The following NECTIN3 variants were observed in gnomAD, a reference collection of about 807,000 sequenced individuals.
NECTIN3 encodes nectin cell adhesion molecule 3, also known as nectin-3.
Under a neutral mutation model 49.4 loss-of-function variants are expected in NECTIN3, and 8 were observed. The observed-to-expected ratio is 0.16, with a 90% confidence interval of 0.10 to 0.29. NECTIN3 has a LOEUF of 0.29. Among genes scored for constraint, NECTIN3 ranks in the 10% least tolerant of loss-of-function variants. NECTIN3 has a pLI of 1.00. For synonymous variants in NECTIN3, 277 were observed against 241.1 expected (o/e 1.15, Z -1.38); for missense variants, 581 against 654.6 (o/e 0.89, Z 1.23).
chr3:111,136,622 A>G lies in NECTIN3; in HGVS notation c.*2407A>G, dbSNP rs1488882454. 4.4e-6 allele frequency: 4 copies of G among 914,470 alleles called. No individual in the cohort carries two copies. The highest frequency in any genetic ancestry group is 5.2e-6 in the Non-Finnish European group (4 of 765,788). The allele number at this position is 914,470 out of a possible 1,614,324, so 56.6% of individuals were successfully genotyped here. A position where few individuals can be genotyped will look rare whatever the true frequency, so the allele number is the denominator to read the frequency against. On this transcript the variant is annotated 3_prime_UTR_variant, in exon 6 of 6. Coordinates refer to ENST00000485303, the MANE Select transcript of NECTIN3 (RefSeq NM_015480.3). ...GACATTGTTAAATTAGTTTTTGAAT[A>G]CCAGTGATATTCATAACTACTTGAC...
upstream of NECTIN3, among the ~76,000 whole-genome samples, chr3:111,189,497 G>A (rs553615923): frequency 1.3e-5 from 2 of 152,222 alleles, no homozygotes; most frequent in South Asian, 4.1e-4. Context: ...CATGGCTTAG[G>A]AAATTCACAC....
At chr3:111,122,867 C>G (rs1468745373) in intron 4 of NECTIN3, among the ~76,000 whole-genome samples, 1 of 152,000 alleles carries the variant, frequency 6.6e-6, no homozygotes, top group African/African-American at 2.4e-5. Flanking sequence ...ATTTTGATCT[C>G]CAGATGTATC....
chr3:111,146,239 C>A (rs989157826), intron 6 of NECTIN3, among the ~76,000 whole-genome samples: 1 of 151,768 alleles, frequency 6.6e-6, no homozygotes, highest in African/African-American at 2.4e-5. Context: ...TCGAGACCAT[C>A]CCGGCTAAAA....
At chr3:111,180,667 G>C (rs1410142392) in intron 7 of NECTIN3, among the ~76,000 whole-genome samples, 2 of 152,100 alleles carry the variant, frequency 1.3e-5, no homozygotes, top group Non-Finnish European at 2.9e-5. Flanking sequence ...AATTATATGT[G>C]GTGGCCAGTT....
At chr3:111,072,731 C>G in intron 1 of NECTIN3, 1 of 725,416 alleles carries the variant, frequency 1.4e-6, no homozygotes, top group South Asian at 1.8e-5. Flanking sequence ...CCGGCTCTGC[C>G]CTGACAGCTT....
rs1402402815 is a variant in NECTIN3, at chr3:111,082,430, G to A, written c.160+10253G>A. On this transcript the variant is annotated intron_variant, in intron 1 of 5. Coordinates refer to ENST00000485303, the MANE Select transcript of NECTIN3 (RefSeq NM_015480.3). ...AGTGGAGAGAGGGAAGGGAATAGTG[G>A]ATGGGGCCAGAATTTTTTTTTAGAT... is the stretch of plus-strand genomic sequence containing the variant. Among the ~76,000 whole-genome samples, 3 of 152,048 alleles carry A rather than the reference G, an allele frequency of 2.0e-5. 1 individual carries two copies. Among genetic ancestry groups the A allele is most frequent in the Admixed American group, 2.0e-4 (3 of 15,254 alleles).
intron 1 of NECTIN3, among the ~76,000 whole-genome samples, chr3:111,082,853 C>T (rs1329994816): frequency 1.3e-5 from 2 of 152,064 alleles, no homozygotes; most frequent in East Asian, 3.8e-4. Context: ...CTAGACAGTC[C>T]CGTCTGGGGG....
At chr3:111,193,820 A>G (rs1422004902) in intron 1 of NECTIN3, among the ~76,000 whole-genome samples, 1 of 152,212 alleles carries the variant, frequency 6.6e-6, no homozygotes, top group Non-Finnish European at 1.5e-5. Flanking sequence ...CTAATTATTT[A>G]GCTGGGATTT....
At chr3:111,096,219 G>A (rs994391408) in intron 1 of NECTIN3, among the ~76,000 whole-genome samples, 1 of 152,202 alleles carries the variant, frequency 6.6e-6, no homozygotes, top group Admixed American at 6.5e-5. Flanking sequence ...TTTCTGCAAA[G>A]AGTCTGGTGG....
intron 4 of NECTIN3, among the ~76,000 whole-genome samples, chr3:111,123,860 G>A (rs994894423): frequency 6.6e-6 from 1 of 152,230 alleles, no homozygotes; most frequent in Non-Finnish European, 1.5e-5. Flanking sequence ...CCTGTGAATT[G>A]TAAGATGTTT....
At chr3:111,120,504 C>A (rs1016552716) in intron 3 of NECTIN3, among the ~76,000 whole-genome samples, 2 of 152,090 alleles carry the variant, frequency 1.3e-5, no homozygotes, top group African/African-American at 4.8e-5. Flanking sequence ...ACTGTTCTTT[C>A]AGCAACATTT....
chr3:111,168,564 A>G (rs1382654914), intron 7 of NECTIN3, among the ~76,000 whole-genome samples: 2 of 152,202 alleles, frequency 1.3e-5, no homozygotes, highest in Non-Finnish European at 2.9e-5. Flanking sequence ...GCCCTGTCTT[A>G]AGCATCTACA....
At position 111,134,515 on chromosome 3, in the gene NECTIN3, C is replaced by G; in HGVS notation, c.*300C>G. ...ATGTCAACATTAAATGTATGACTTA[C>G]TTGGTACAAAAATTTTTTAAAAAGG... On this transcript the variant is annotated 3_prime_UTR_variant, in exon 6 of 6. Transcript: ENST00000485303. 9.9e-7 allele frequency: 1 copy of G among 1,014,510 alleles called. No individual in the cohort carries two copies. The highest frequency in any genetic ancestry group is 1.2e-6 in the Non-Finnish European group (1 of 843,844). The allele number at this position is 1,014,510 out of a possible 1,614,324, so 62.8% of individuals were successfully genotyped here.
downstream of NECTIN3, among the ~76,000 whole-genome samples, chr3:111,139,164 C>A (rs917502233): frequency 7.9e-5 from 12 of 151,636 alleles, no homozygotes; most frequent in Non-Finnish European, 1.2e-4. Context: ...AAATAAAAGA[C>A]CTTTTTAGAA....
At chr3:111,150,728 A>G (rs751446120) in intron 7 of NECTIN3, among the ~76,000 whole-genome samples, 11 of 151,300 alleles carry the variant, frequency 7.3e-5, no homozygotes, top group Non-Finnish European at 1.2e-4. Context: ...TTTTCTTTAT[A>G]TACTTCAACT....
At position 111,136,028 on chromosome 3, in the gene NECTIN3, A is replaced by C. The variant is rs1473222151; in HGVS notation, c.*1813A>C. On this transcript the variant is annotated 3_prime_UTR_variant, in exon 6 of 6. Coordinates refer to ENST00000485303, the MANE Select transcript of NECTIN3 (RefSeq NM_015480.3). ...TTTTAGTGCAAGTTTTTGGAAGAAA[A>C]CTTTTTGATAAAACACTGTGATTGA... is the stretch of plus-strand genomic sequence containing the variant. 1 of 978,024 alleles carries C rather than the reference A, an allele frequency of 1.0e-6. No individual in the cohort carries two copies. The highest frequency in any genetic ancestry group is 1.8e-5 in the African/African-American group (1 of 56,984). 60.6% of individuals were successfully genotyped at this position (978,024 alleles called of 1,614,324 possible).
At chr3:111,112,880 G>A (rs961140957) in intron 2 of NECTIN3, among the ~76,000 whole-genome samples, 7 of 151,980 alleles carry the variant, frequency 4.6e-5, no homozygotes, top group Admixed American at 2.6e-4. Flanking sequence ...TATTTCCTAT[G>A]ATACCTGTTA....
At chr3:111,127,464 T>A (rs1264341092) in intron 5 of NECTIN3, among the ~76,000 whole-genome samples, 1 of 141,750 alleles carries the variant, frequency 7.1e-6, no homozygotes, top group Non-Finnish European at 1.5e-5. Flanking sequence ...GTGCAAACTT[T>A]CTTTTTTTTT....
At chr3:111,188,811 A>G (rs1302671968), upstream of NECTIN3, among the ~76,000 whole-genome samples, 3 of 152,216 alleles carry the variant, frequency 2.0e-5, no homozygotes, top group Non-Finnish European at 4.4e-5. Flanking sequence ...GGTGTTCAGC[A>G]AAGTGTGAAT....
Sources: gnomAD v4.1 joint callset for allele counts (sites outside exome capture counted in the v4.1 genomes callset) on GRCh38, gnomAD v4.1.1 for gene constraint, MANE v1.5 for transcripts, NCBI Gene and HGNC (gene_info 2026-07-23, HGNC 2026-07-21) for gene names.